Variants in SPDEF observed in about 807,000 individuals in gnomAD.
SPDEF encodes SAM pointed domain containing ETS transcription factor.
SPDEF carries 12 observed loss-of-function variants against 36.0 expected under a neutral mutation model. The observed-to-expected ratio is 0.33, with a 90% confidence interval of 0.21 to 0.54. The LOEUF is 0.54. Among genes scored for constraint, SPDEF ranks in the 20% least tolerant of loss-of-function variants. SPDEF has a pLI of 0.93. For synonymous variants in SPDEF, 205 were observed against 193.0 expected (o/e 1.06, Z -0.51); for missense variants, 388 against 456.9 (o/e 0.85, Z 1.37).
In SPDEF at chr6:34,544,605, G is replaced by T; in HGVS notation, c.-29-121C>A. 2 of 766,376 alleles carry T rather than the reference G, an allele frequency of 2.6e-6. No individual in the cohort carries two copies. The highest frequency in any genetic ancestry group is 3.9e-6 in the Non-Finnish European group (2 of 517,210). 47.5% of individuals were successfully genotyped at this position (766,376 alleles called of 1,614,324 possible). A position where few individuals can be genotyped will look rare whatever the true frequency, so the allele number is the denominator to read the frequency against. ...GGCTGGGCCTGGGACAGAGTTGGGGGCTTCCGGGTCATTGGGCAGCCACGA... is the reference window on the plus strand; with the variant it reads ...GGCTGGGCCTGGGACAGAGTTGGGGTCTTCCGGGTCATTGGGCAGCCACGA... On this transcript the variant is annotated intron_variant, in intron 1 of 5. Transcript: ENST00000374037. This position sits in a 1 kb window ranked among gnomAD's most constrained non-coding sequence, Gnocchi z 4.4.
chr6:34,544,347 C>T lies in SPDEF; in HGVS notation c.109G>A (p.Gly37Ser), dbSNP rs1234545735. The T allele has an allele frequency of 1.2e-6, 2 of 1,605,234 alleles. No homozygotes were observed. The highest frequency in any genetic ancestry group is 1.7e-5 in the Admixed American group (1 of 59,908). The change falls in exon 2 of 6, where the codon GGT becomes AGT. Residue 37 changes from glycine to serine, a missense_variant. Coordinates refer to ENST00000374037, the MANE Select transcript of SPDEF (RefSeq NM_012391.3). This position sits in a 1 kb window ranked among gnomAD's most constrained non-coding sequence, Gnocchi z 4.4. ...GGACTCCAGTCCCGTCTCTCGAGACCCACTGCCCCCGCTGCCGCCTTCTCC... is the reference window on the plus strand; with the variant it reads ...GGACTCCAGTCCCGTCTCTCGAGACTCACTGCCCCCGCTGCCGCCTTCTCC... ...GLEKAAAGAV[G>S]LERRDWSPSP...
At chr6:34,549,072 T>C (rs755792070) in intron 1 of SPDEF, among the ~76,000 whole-genome samples, 3 of 151,896 alleles carry the variant, frequency 2.0e-5, no homozygotes, top group Non-Finnish European at 4.4e-5. Context: ...GGACCCAGCG[T>C]TCCTGCAGCC....
Position 34,539,144 on chromosome 6 carries a change from G to T in SPDEF, c.829+106C>A. 7.4e-7 allele frequency: 1 copy of T among 1,352,724 alleles called. No homozygotes were observed. The highest frequency in any genetic ancestry group is 1.3e-5 in the South Asian group (1 of 75,692). 83.8% of individuals were successfully genotyped at this position (1,352,724 alleles called of 1,614,324 possible). A position where few individuals can be genotyped will look rare whatever the true frequency, so the allele number is the denominator to read the frequency against. On this transcript the variant is annotated intron_variant, in intron 5 of 5. Transcript: ENST00000374037. This position sits in a 1 kb window ranked among gnomAD's most constrained non-coding sequence, Gnocchi z 5.2. Reference sequence around the variant, plus strand: ...GCATCTAGGACAAAGGTGGGGATCAGCTTCACCCCTCTGCCCGCCCCTGCC... The same window carrying T: ...GCATCTAGGACAAAGGTGGGGATCATCTTCACCCCTCTGCCCGCCCCTGCC...
intron 1 of SPDEF, among the ~76,000 whole-genome samples, chr6:34,554,447 A>T (rs1265995300): frequency 6.6e-6 from 1 of 152,212 alleles, no homozygotes; most frequent in African/African-American, 2.4e-5. Flanking sequence ...TTTACAACTG[A>T]CAGTGTGCAA....
rs917710850 is a variant in SPDEF at position 34,555,176 on chromosome 6, C to T, written c.-30+753G>A. 1.3e-5 allele frequency among the ~76,000 whole-genome samples: 2 copies of T among 150,758 alleles called. No individual in the cohort carries two copies. Among genetic ancestry groups the T allele is most frequent in the African/African-American group, 4.9e-5 (2 of 40,452 alleles). ...CCAGCCTCAGGGGCACCCAGTCGCC[C>T]AGGCCCTTCAGCTTCCCACCCTGTC... On this transcript the variant is annotated intron_variant, in intron 1 of 5. Transcript: ENST00000374037. This position sits in a 1 kb window ranked among gnomAD's most constrained non-coding sequence, Gnocchi z 5.2.
chr6:34,553,597 G>A (rs1197001607), intron 1 of SPDEF, among the ~76,000 whole-genome samples: 1 of 152,138 alleles, frequency 6.6e-6, no homozygotes, highest in Non-Finnish European at 1.5e-5. Context: ...GATGGAGGGT[G>A]AATGGAAATC....
intron 2 of SPDEF, among the ~76,000 whole-genome samples, chr6:34,543,226 AAAAG>A: frequency 6.6e-6 from 1 of 151,050 alleles, no homozygotes; most frequent in Non-Finnish European, 1.5e-5. Flanking sequence ...AAAAAGAAGA[AAAAG>A]AAAAAAAAAA....
intron 3 of SPDEF, 151 bp downstream of exon 3, chr6:34,540,833 A>G (rs1291294838): frequency 2.8e-6 from 2 of 720,362 alleles, no homozygotes. Flanking sequence ...ACCAGGATCC[A>G]GGAGGCAGCT....
At chr6:34,546,588 G>C (rs760106529) in intron 1 of SPDEF, among the ~76,000 whole-genome samples, 1 of 152,144 alleles carries the variant, frequency 6.6e-6, no homozygotes, top group African/African-American at 2.4e-5. Context: ...ATAGCTTGAC[G>C]AATGGAGCCT....
At position 34,544,536 on chromosome 6, in the gene SPDEF, G is replaced by T; in HGVS notation, c.-29-52C>A. 7.2e-7 allele frequency: 1 copy of T among 1,393,244 alleles called. No individual in the cohort carries two copies. The highest frequency in any genetic ancestry group is 9.5e-7 in the Non-Finnish European group (1 of 1,057,124). The allele number at this position is 1,393,244 out of a possible 1,614,324, so 86.3% of individuals were successfully genotyped here. On this transcript the variant is annotated intron_variant, in intron 1 of 5. Coordinates refer to ENST00000374037, the MANE Select transcript of SPDEF (RefSeq NM_012391.3). The surrounding 1 kb of genome is among the most constrained non-coding windows in gnomAD (Gnocchi z 4.4). ...TTGACTGCTTCTCCATCCCTGTGGG[G>T]GCCGCTAAGCTGGTTATGGGGATGA...
Position 34,538,192 on chromosome 6 carries a change from TC to T in SPDEF, c.*81del. ...GAGCAGCAGAGCAGACTGCCCGTTT[TC>T]CCCCATCTCAGGGCCTGGCTGAGGC... is the stretch of plus-strand genomic sequence containing the variant. On this transcript the variant is annotated 3_prime_UTR_variant, in exon 6 of 6. Coordinates refer to ENST00000374037, the MANE Select transcript of SPDEF (RefSeq NM_012391.3). The surrounding 1 kb of genome is among the most constrained non-coding windows in gnomAD (Gnocchi z 5.9). 3.4e-6 allele frequency: 5 copies of T among 1,457,484 alleles called. No individual in the cohort carries two copies. The highest frequency in any genetic ancestry group is 4.7e-6 in the Non-Finnish European group (5 of 1,063,164). The allele number at this position is 1,457,484 out of a possible 1,614,324, so 90.3% of individuals were successfully genotyped here.
chr6:34,539,583 G>T lies in SPDEF; in HGVS notation c.635-21C>A. The T allele has an allele frequency of 2.6e-6, 4 of 1,560,506 alleles. No individual in the cohort carries two copies. Among genetic ancestry groups the T allele is most frequent in the South Asian group, 2.4e-5 (2 of 84,938 alleles). On this transcript the variant is annotated intron_variant, in intron 3 of 5. Coordinates refer to ENST00000374037, the MANE Select transcript of SPDEF (RefSeq NM_012391.3). This position sits in a 1 kb window ranked among gnomAD's most constrained non-coding sequence, Gnocchi z 5.2. ...GGCCGCTGCAGGGCAAGGAGAGGGG[G>T]TTGGGGACCCAGGAGAGGCCCCGAG...
Position 34,538,629 on chromosome 6 carries a change from G to C in SPDEF, c.830-177C>G, listed in dbSNP as rs886274422. 6.6e-6 allele frequency among the ~76,000 whole-genome samples: 1 copy of C among 152,120 alleles called. No homozygotes were observed. Among genetic ancestry groups the C allele is most frequent in the Non-Finnish European group, 1.5e-5 (1 of 68,014 alleles). ...ATGCCTACTCCCAAGGTGTAGTTGC[G>C]GTGAGGTTAAAGAGACGTGTGCAAA... On this transcript the variant is annotated intron_variant, in intron 5 of 5. Coordinates refer to ENST00000374037, the MANE Select transcript of SPDEF (RefSeq NM_012391.3). The surrounding 1 kb of genome is among the most constrained non-coding windows in gnomAD (Gnocchi z 5.9).
intron 2 of SPDEF, among the ~76,000 whole-genome samples, chr6:34,543,648 G>A (rs1158077110): frequency 1.3e-5 from 2 of 152,218 alleles, no homozygotes; most frequent in South Asian, 4.1e-4. Flanking sequence ...GGGGAAGAGC[G>A]CTCTAGGCTG....
rs1221691868 is a variant in SPDEF, at chr6:34,539,517, C to T, written c.680G>A (p.Cys227Tyr). 2 of 1,577,802 alleles carry T rather than the reference C, an allele frequency of 1.3e-6. No homozygotes were observed. The highest frequency in any genetic ancestry group is 2.3e-5 in the South Asian group (2 of 87,096). ...CACCCTGCCGCTGCCTGGCTCACCA[C>T]AGTAGTGAATCGCCCCAGGTGAAGT... ...ERTSPGAIHY[C>Y]ASTSEESWTD... The change falls in exon 4 of 6, where the codon TGT becomes TAT. Residue 227 changes from cysteine (C) to tyrosine (Y), a missense_variant and splice_region_variant. Transcript: ENST00000374037. This position sits in a 1 kb window ranked among gnomAD's most constrained non-coding sequence, Gnocchi z 5.2.
intron 1 of SPDEF, among the ~76,000 whole-genome samples, chr6:34,547,113 C>A (rs1021008037): frequency 6.6e-6 from 1 of 151,964 alleles, no homozygotes; most frequent in African/African-American, 2.4e-5. Flanking sequence ...CCCTGGGCGC[C>A]ATGCCAGGGA....
At chr6:34,551,184 G>T (rs1322195751) in intron 1 of SPDEF, among the ~76,000 whole-genome samples, 2 of 152,186 alleles carry the variant, frequency 1.3e-5, no homozygotes, top group East Asian at 3.9e-4. Flanking sequence ...AGCTCCTAAG[G>T]TTGCCCCTGT....
chr6:34,551,603 G>T (rs1368556613), intron 1 of SPDEF, among the ~76,000 whole-genome samples: 10 of 152,194 alleles, frequency 6.6e-5, no homozygotes, highest in Non-Finnish European at 1.5e-4. Flanking sequence ...ACGCAGAGGT[G>T]GACACCTGGG....
At chr6:34,550,071 A>G (rs1258349319) in intron 1 of SPDEF, among the ~76,000 whole-genome samples, 1 of 152,164 alleles carries the variant, frequency 6.6e-6, no homozygotes, top group Non-Finnish European at 1.5e-5. Context: ...AAGCTGGGCT[A>G]CCCAGGCCTC....
Sources: gnomAD v4.1 joint callset for allele counts (sites outside exome capture counted in the v4.1 genomes callset) on GRCh38, gnomAD v4.1.1 for gene constraint, Gnocchi (gnomAD v3.1) non-coding constraint, MANE v1.5 for transcripts, NCBI Gene and HGNC (gene_info 2026-07-23, HGNC 2026-07-21) for gene names.